AFF3: variants seen among roughly 807,000 people sequenced by gnomAD.
AFF3 encodes ALF transcription elongation factor 3, also known as AF4/FMR2 family member 3.
In AFF3, 32 loss-of-function variants were observed where a neutral mutation model predicts 129.7. The ratio of observed to expected loss-of-function variants is 0.25; its 90% confidence interval spans 0.19 to 0.33. The LOEUF is 0.33. Among genes scored for constraint, AFF3 ranks in the 10% least tolerant of loss-of-function variants. The probability of loss-of-function intolerance (pLI) is 1.00; values close to 1 mark genes in which losing one functional copy is unlikely to be tolerated. For synonymous variants in AFF3, 644 were observed against 635.4 expected, an observed-to-expected ratio of 1.01 and a Z score of -0.20; for missense variants, 1,373 against 1,592.0, an observed-to-expected ratio of 0.86 and a Z score of 2.34.
At chr2:99,761,670 T>C (rs1174073058) in intron 8 of AFF3, among the ~76,000 whole-genome samples, 5 of 152,236 alleles carry the variant, frequency 3.3e-5, no homozygotes, top group Non-Finnish European at 5.9e-5. Flanking sequence ...GCAAAGTCTG[T>C]TTAGCTTACA....
intron 12 of AFF3, among the ~76,000 whole-genome samples, chr2:99,661,998 GGCAT>G (rs2104326800): frequency 6.6e-6 from 1 of 152,238 alleles, no homozygotes; most frequent in South Asian, 2.1e-4. Flanking sequence ...AAAATAGCTG[GGCAT>G]GGTGGCACAC....
At chr2:99,804,933 G>C (rs1358341773) in intron 8 of AFF3, among the ~76,000 whole-genome samples, 2 of 152,012 alleles carry the variant, frequency 1.3e-5, no homozygotes, top group Non-Finnish European at 2.9e-5. Flanking sequence ...ACTCAGAGGA[G>C]GGAAAGATGA....
Position 99,872,077 on chromosome 2 carries a change from G to T in AFF3, c.874-34553C>A, listed in dbSNP as rs570775531. Among the ~76,000 whole-genome samples the T allele has an allele frequency of 6.6e-5, 10 of 151,562 alleles. No homozygotes were observed. In the South Asian group the frequency reaches 1.9e-3, roughly 29 times the overall value. ...AAAAATTAGCCAGTCGTGGTGGTGGGCGCCTGTAGTCCCAGCTACTCGGGA... is the reference window on the plus strand; with the variant it reads ...AAAAATTAGCCAGTCGTGGTGGTGGTCGCCTGTAGTCCCAGCTACTCGGGA... On this transcript the variant is annotated intron_variant, in intron 7 of 24. Coordinates refer to ENST00000672756, the MANE Select transcript of AFF3 (RefSeq NM_001386135.1).
chr2:100,106,543 C>T, intron 2 of AFF3: 1 of 996,298 alleles, frequency 1.0e-6, no homozygotes, highest in Non-Finnish European at 1.2e-6. Context: ...GACAGCATTC[C>T]CAGGAACAAA....
intron 14 of AFF3, among the ~76,000 whole-genome samples, chr2:99,595,891 C>T (rs1232669916): frequency 6.6e-6 from 1 of 152,202 alleles, no homozygotes; most frequent in Non-Finnish European, 1.5e-5. Context: ...TTGCTGGTTG[C>T]CCCAAACCAG....
At chr2:99,818,604 A>C (rs996655542) in intron 8 of AFF3, among the ~76,000 whole-genome samples, 6 of 152,170 alleles carry the variant, frequency 3.9e-5, no homozygotes, top group African/African-American at 1.4e-4. Context: ...CTAGTTGGAT[A>C]AATCTTTATA....
chr2:100,122,672 G>A (rs1482446912), intron 2 of AFF3, among the ~76,000 whole-genome samples: 12 of 152,212 alleles, frequency 7.9e-5, no homozygotes, highest in Non-Finnish European at 1.5e-4. Flanking sequence ...CTAGAGAAGA[G>A]AGGAAAGCAA....
chr2:99,642,294 T>G (rs944197281), intron 13 of AFF3, among the ~76,000 whole-genome samples: 1 of 152,170 alleles, frequency 6.6e-6, no homozygotes, highest in Non-Finnish European at 1.5e-5. Context: ...TTGATCTTTT[T>G]TTTTTTTTGA....
intron 13 of AFF3, among the ~76,000 whole-genome samples, chr2:99,637,328 T>C (rs892868732): frequency 2.6e-5 from 4 of 152,366 alleles, no homozygotes; most frequent in Admixed American, 2.6e-4. Context: ...ACAGATGCTT[T>C]TGCGGCACGG....
intron 13 of AFF3, among the ~76,000 whole-genome samples, chr2:99,615,148 T>C (rs1049280301): frequency 3.9e-5 from 6 of 152,348 alleles, no homozygotes; most frequent in South Asian, 2.1e-4. Flanking sequence ...TTCTTGGAGA[T>C]CTGTACATGT....
intron 7 of AFF3, among the ~76,000 whole-genome samples, chr2:99,922,518 T>C (rs1558977999): frequency 6.6e-6 from 1 of 152,090 alleles, no homozygotes; most frequent in Non-Finnish European, 1.5e-5. Flanking sequence ...TATAGTTAAG[T>C]AAAGGACAAC....
chr2:99,938,250 G>A (rs951492120), intron 7 of AFF3, among the ~76,000 whole-genome samples: 9 of 152,160 alleles, frequency 5.9e-5, no homozygotes, highest in Admixed American at 5.2e-4. Context: ...TAGGCAAGAC[G>A]GACATGCGCA....
intron 7 of AFF3, among the ~76,000 whole-genome samples, chr2:99,880,483 G>T (rs1692627978): frequency 1.3e-5 from 2 of 152,170 alleles, no homozygotes; most frequent in Non-Finnish European, 2.9e-5. Flanking sequence ...ATTCTGAGGT[G>T]GTGGGTGGAA....
At chr2:99,696,396 T>C (rs1676269107) in intron 11 of AFF3, among the ~76,000 whole-genome samples, 1 of 152,156 alleles carries the variant, frequency 6.6e-6, no homozygotes, top group Admixed American at 6.5e-5. Context: ...TATCTAACAC[T>C]TCTATTACTC....
At chr2:99,648,967 C>A (rs1370960348) in intron 13 of AFF3, among the ~76,000 whole-genome samples, 2 of 137,872 alleles carry the variant, frequency 1.5e-5, no homozygotes, top group South Asian at 2.4e-4. Context: ...AAACAAAAAC[C>A]AAAACCAACC....
chr2:99,898,859 G>A (rs1264788214), intron 7 of AFF3, among the ~76,000 whole-genome samples: 1 of 152,152 alleles, frequency 6.6e-6, no homozygotes, highest in African/African-American at 2.4e-5. Context: ...TCTCGCTTTG[G>A]CCAACGCTGA....
intron 7 of AFF3, chr2:100,006,068 A>G (rs891929335): frequency 6.6e-6 from 1 of 152,352 alleles, no homozygotes; most frequent in African/African-American, 2.4e-5. Context: ...GAGACAGGAC[A>G]GGATTTCCAA....
chr2:99,898,314 T>C (rs1459644921), intron 7 of AFF3, among the ~76,000 whole-genome samples: 1 of 152,142 alleles, frequency 6.6e-6, no homozygotes, highest in Non-Finnish European at 1.5e-5. Flanking sequence ...TATGGGATCA[T>C]CTCACTTTAC....
chr2:99,755,912 G>A (rs529921101), intron 8 of AFF3, among the ~76,000 whole-genome samples: 23 of 152,300 alleles, frequency 1.5e-4, no homozygotes, highest in Admixed American at 3.3e-4. Context: ...TCAATGGTAG[G>A]TCCATACAAA....
Sources: gnomAD v4.1 joint callset for allele counts (sites outside exome capture counted in the v4.1 genomes callset) on GRCh38, gnomAD v4.1.1 for gene constraint, MANE v1.5 for transcripts, NCBI Gene and HGNC (gene_info 2026-07-23, HGNC 2026-07-21) for gene names.